Variants in SH3GL3 observed in about 807,000 individuals in gnomAD.
SH3GL3 encodes the protein SH3 domain containing GRB2 like 3, endophilin A3.
A neutral mutation model predicts 47.7 loss-of-function variants in SH3GL3; 33 were observed. That is an observed-to-expected ratio of 0.69 (90% CI 0.52 to 0.92). The LOEUF is 0.92. Among genes scored for constraint, SH3GL3 ranks in the 40% least tolerant of loss-of-function variants. SH3GL3 has a pLI of 0.00. For missense variants in SH3GL3, 363 were observed against 417.8 expected (o/e 0.87, Z 1.14); for synonymous variants, 155 against 148.8 (o/e 1.04, Z -0.30).
chr15:83,633,398 G>C, the SH3GL3 span, among the ~76,000 whole-genome samples: 2 of 151,910 alleles, frequency 1.3e-5, no homozygotes, highest in East Asian at 3.8e-4. Context: ...ATGCAGTTAT[G>C]ACCCTTTACC....
chr15:83,557,413 C>T (rs2045018188), intron 1 of SH3GL3, among the ~76,000 whole-genome samples: 1 of 152,228 alleles, frequency 6.6e-6, no homozygotes, highest in African/African-American at 2.4e-5. Context: ...GGTTAATTCT[C>T]TCTGACTTCT....
intron 1 of SH3GL3, among the ~76,000 whole-genome samples, chr15:83,449,440 C>T (rs2039625194): frequency 6.6e-6 from 1 of 152,186 alleles, no homozygotes; most frequent in African/African-American, 2.4e-5. Flanking sequence ...CATTGGCTTC[C>T]TTAGCACTGG....
chr15:83,451,118 C>T (rs1272604781), intron 1 of SH3GL3, among the ~76,000 whole-genome samples: 3 of 53,912 alleles, frequency 5.6e-5, no homozygotes, highest in African/African-American at 2.2e-4. Flanking sequence ...ATCCATGTCC[C>T]TACAAAGGAC....
the SH3GL3 span, among the ~76,000 whole-genome samples, chr15:83,631,394 C>T: frequency 6.6e-6 from 1 of 152,340 alleles, no homozygotes; most frequent in East Asian, 1.9e-4. Flanking sequence ...TGTGTGGGGG[C>T]TCCAGCTCCA....
chr15:83,572,816 A>G, intron 5 of SH3GL3, 118 bp downstream of exon 5: 1 of 704,622 alleles, frequency 1.4e-6, no homozygotes, highest in Non-Finnish European at 2.3e-6. Context: ...TGGGTAGGGT[A>G]AAAATGACTC....
At chr15:83,486,374 A>G (rs1330300855) in intron 1 of SH3GL3, among the ~76,000 whole-genome samples, 2 of 152,154 alleles carry the variant, frequency 1.3e-5, no homozygotes, top group Non-Finnish European at 2.9e-5. Context: ...GTAAAACCTC[A>G]TACCCTTTAA....
At position 83,482,734 on chromosome 15, in the gene SH3GL3, C is replaced by T. The variant is rs56259625; in HGVS notation, c.45+35156C>T. On this transcript the variant is annotated intron_variant, in intron 1 of 8. Transcript: ENST00000427482. The stretch of plus-strand genomic sequence containing the variant: ...CTTGAACTCCTAACCTCAGGTGATC[C>T]ACCCACCTCAGCTTCCCAGAGTGCT... Among the ~76,000 whole-genome samples the T allele has an allele frequency of 1.8e-3, 272 of 152,090 alleles. 4 individuals are homozygous for T. Among genetic ancestry groups the T allele is most frequent in the African/African-American group, 6.0e-3 (250 of 41,474 alleles).
Position 83,524,182 on chromosome 15 carries a change from A to C in SH3GL3, c.46-35071A>C, listed in dbSNP as rs562433300. 2.0e-5 allele frequency among the ~76,000 whole-genome samples: 3 copies of C among 152,274 alleles called. No individual in the cohort carries two copies. The South Asian group carries it at 6.2e-4, about 32-fold the overall frequency. On this transcript the variant is annotated intron_variant, in intron 1 of 8. Coordinates refer to ENST00000427482, the MANE Select transcript of SH3GL3 (RefSeq NM_003027.5). ...TGCAGCCCTGCAAGTTTTTATTTGCAAGGTGTTGGTTGAATCAGCCTTTCC... is the reference window on the plus strand; with the variant it reads ...TGCAGCCCTGCAAGTTTTTATTTGCCAGGTGTTGGTTGAATCAGCCTTTCC...
At chr15:83,467,068 A>C (rs896627782) in intron 1 of SH3GL3, among the ~76,000 whole-genome samples, 69 of 152,340 alleles carry the variant, frequency 4.5e-4, no homozygotes, top group African/African-American at 1.6e-3. Flanking sequence ...CAATTTAAGA[A>C]TTTCTCCACA....
chr15:83,457,643 C>T (rs1182377892), intron 1 of SH3GL3, among the ~76,000 whole-genome samples: 2 of 152,208 alleles, frequency 1.3e-5, no homozygotes, highest in African/African-American at 2.4e-5. Flanking sequence ...AGATAAAATG[C>T]ACTTTGCACA....
intron 1 of SH3GL3, among the ~76,000 whole-genome samples, chr15:83,550,495 T>C (rs1301610767): frequency 1.3e-5 from 2 of 152,308 alleles, no homozygotes. Flanking sequence ...GTTCAAGTGA[T>C]TCTTGTGCCT....
At chr15:83,574,415 C>T (rs796732136) in intron 5 of SH3GL3, among the ~76,000 whole-genome samples, 10 of 152,232 alleles carry the variant, frequency 6.6e-5, no homozygotes, top group African/African-American at 2.2e-4. Flanking sequence ...TCCTCTGGGC[C>T]GCAGGGTCTG....
intron 6 of SH3GL3, among the ~76,000 whole-genome samples, chr15:83,583,289 C>T (rs1008287392): frequency 5.3e-5 from 8 of 152,182 alleles, no homozygotes; most frequent in African/African-American, 1.4e-4. Context: ...CTTACTCACC[C>T]GGCTGCTCAC....
In SH3GL3 at chr15:83,611,967, C is replaced by A. The variant is rs187722314; in HGVS notation, c.839-6115C>A. ...ACTTGCTTGCAAGCCTCTATGTAGA[C>A]CAATGGCGGAAACAACTTAATCTTT... is the stretch of plus-strand genomic sequence containing the variant. On this transcript the variant is annotated intron_variant, in intron 8 of 8. Transcript: ENST00000427482. 1.6e-3 allele frequency among the ~76,000 whole-genome samples: 213 copies of A among 133,566 alleles called. 10 individuals carry two copies. Among genetic ancestry groups the A allele is most frequent in the Middle Eastern group, 3.8e-3 (1 of 260 alleles). 87.6% of individuals were successfully genotyped at this position (133,566 alleles called of 152,430 possible).
chr15:83,517,204 T>C (rs1469683071), intron 1 of SH3GL3, among the ~76,000 whole-genome samples: 1 of 115,988 alleles, frequency 8.6e-6, no homozygotes, highest in Non-Finnish European at 1.8e-5. Context: ...TCTTTTCTTT[T>C]CTTTTTTTTT....
intron 1 of SH3GL3, among the ~76,000 whole-genome samples, chr15:83,525,419 T>A (rs199678907): frequency 6.6e-6 from 1 of 151,758 alleles, no homozygotes; most frequent in East Asian, 1.9e-4. Context: ...TTCTGGATAT[T>A]AGTTTCTTGT....
chr15:83,558,896 T>G (rs1006229498), intron 1 of SH3GL3, among the ~76,000 whole-genome samples: 13 of 152,252 alleles, frequency 8.5e-5, no homozygotes, highest in African/African-American at 3.1e-4. Context: ...ACTATTATTT[T>G]TTAATGGTTC....
intron 1 of SH3GL3, among the ~76,000 whole-genome samples, chr15:83,529,904 G>A (rs1186178359): frequency 1.3e-5 from 2 of 152,120 alleles, no homozygotes; most frequent in Admixed American, 6.5e-5. Flanking sequence ...GTCAGGCTTT[G>A]GGGAACATGC....
At chr15:83,450,397 C>T (rs2039681230) in intron 1 of SH3GL3, among the ~76,000 whole-genome samples, 1 of 152,038 alleles carries the variant, frequency 6.6e-6, no homozygotes, top group African/African-American at 2.4e-5. Flanking sequence ...ATAAAGTGGA[C>T]CTTTTACAGA....
Sources: allele counts gnomAD v4.1 joint callset (sites outside exome capture counted in the v4.1 genomes callset), GRCh38; gene constraint gnomAD v4.1.1; transcripts MANE v1.5; gene names NCBI Gene and HGNC (gene_info 2026-07-23, HGNC 2026-07-21).